CACNG2: variants seen among roughly 807,000 people sequenced by gnomAD.
The protein encoded by CACNG2 is voltage-dependent calcium channel gamma-2 subunit.
Under a neutral mutation model 25.9 loss-of-function variants are expected in CACNG2, and 3 were observed. The observed-to-expected ratio is 0.12, with a 90% CI of 0.05 to 0.30. CACNG2 has a LOEUF of 0.30. Ranked by LOEUF, CACNG2 falls within the 10% of genes least tolerant of loss-of-function variation. The pLI is 1.00. For synonymous variants in CACNG2, 167 were observed against 173.3 expected, an observed-to-expected ratio of 0.96 and a Z score of 0.29; for missense variants, 341 against 432.5, an observed-to-expected ratio of 0.79 and a Z score of 1.88.
At chr22:36,601,775 G>A (rs1358377089) in intron 1 of CACNG2, among the ~76,000 whole-genome samples, 1 of 152,206 alleles carries the variant, frequency 6.6e-6, no homozygotes, top group East Asian at 1.9e-4. Flanking sequence ...GAGCCACTGC[G>A]CCTGGGGAGT....
In CACNG2 at chr22:36,703,573, C is replaced by G. The variant is rs1262430558; in HGVS notation, c.-997G>C. 5 of 109,538 alleles carry G rather than the reference C, an allele frequency of 4.6e-5. No homozygotes were observed. Among genetic ancestry groups the G allele is most frequent in the African/African-American group, 2.3e-4 (5 of 21,926 alleles). 6.8% of individuals were successfully genotyped at this position (109,538 alleles called of 1,614,324 possible). A position where few individuals can be genotyped will look rare whatever the true frequency, so the allele number is the denominator to read the frequency against. ...CCCTGCGCCGCCCGCTCCGCGCGCTCCCCGGCTGGCTCCCAGGGCCGCCCG... is the reference window on the plus strand; with the variant it reads ...CCCTGCGCCGCCCGCTCCGCGCGCTGCCCGGCTGGCTCCCAGGGCCGCCCG... On this transcript the variant is annotated 5_prime_UTR_variant, in exon 1 of 4. Coordinates refer to ENST00000300105, the MANE Select transcript of CACNG2 (RefSeq NM_006078.5).
At chr22:36,642,640 A>G (rs553587475) in intron 1 of CACNG2, among the ~76,000 whole-genome samples, 1 of 152,148 alleles carries the variant, frequency 6.6e-6, no homozygotes, top group East Asian at 1.9e-4. Context: ...ATCATGAGGA[A>G]TTTTCCTAAC....
chr22:36,646,112 A>C (rs1473992467), intron 1 of CACNG2, among the ~76,000 whole-genome samples: 1 of 152,232 alleles, frequency 6.6e-6, no homozygotes, highest in Non-Finnish European at 1.5e-5. Flanking sequence ...TGATTTTGTA[A>C]AGATTTCTGT....
intron 1 of CACNG2, among the ~76,000 whole-genome samples, chr22:36,696,633 G>A (rs1180027616): frequency 2.0e-5 from 3 of 152,214 alleles, no homozygotes; most frequent in Non-Finnish European, 4.4e-5. Context: ...TGACAGTCTA[G>A]TGGTGAGAGA....
intron 3 of CACNG2, 68 bp downstream of exon 3, chr22:36,566,285 C>T: frequency 6.7e-7 from 1 of 1,501,024 alleles, no homozygotes; most frequent in Admixed American, 1.7e-5. Context: ...CTGCCAGGCC[C>T]TCGTGGCCCC....
At chr22:36,597,085 C>T (rs570199687) in intron 1 of CACNG2, among the ~76,000 whole-genome samples, 3 of 152,264 alleles carry the variant, frequency 2.0e-5, no homozygotes, top group African/African-American at 4.8e-5. Context: ...TGCAATGGCA[C>T]GATCTCAGCT....
chr22:36,643,527 T>TGTATC (rs1936476006), intron 1 of CACNG2, among the ~76,000 whole-genome samples: 1 of 151,866 alleles, frequency 6.6e-6, no homozygotes, highest in African/African-American at 2.4e-5. Context: ...TATCTATCCA[T>TGTATC]CATGTGCAGT....
intron 2 of CACNG2, among the ~76,000 whole-genome samples, chr22:36,579,982 T>C (rs1333289614): frequency 1.3e-5 from 2 of 152,238 alleles, no homozygotes; most frequent in Non-Finnish European, 2.9e-5. Flanking sequence ...ACAGTGAGCA[T>C]GGATCGTGGC....
intron 1 of CACNG2, among the ~76,000 whole-genome samples, chr22:36,654,964 A>G (rs564556106): frequency 4.4e-4 from 67 of 152,114 alleles, no homozygotes; most frequent in Admixed American, 1.8e-3. Context: ...CATTAAAAAA[A>G]AGGGAAAAGA....
chr22:36,646,542 T>C (rs1257576223), intron 1 of CACNG2, among the ~76,000 whole-genome samples: 1 of 152,202 alleles, frequency 6.6e-6, no homozygotes, highest in African/African-American at 2.4e-5. Flanking sequence ...AAGAAGCCTA[T>C]TTTAGTCTGT....
intron 1 of CACNG2, among the ~76,000 whole-genome samples, chr22:36,689,759 G>A (rs529691674): frequency 2.0e-5 from 3 of 152,346 alleles, no homozygotes; most frequent in African/African-American, 7.2e-5. Context: ...TTGGCACCTG[G>A]CATTCAGTTA....
At chr22:36,680,880 A>G (rs1470856523) in intron 1 of CACNG2, among the ~76,000 whole-genome samples, 1 of 151,488 alleles carries the variant, frequency 6.6e-6, no homozygotes. Flanking sequence ...CACTATCACC[A>G]CCACCACCAT....
At chr22:36,575,929 A>G (rs1223926643) in intron 2 of CACNG2, among the ~76,000 whole-genome samples, 1 of 152,238 alleles carries the variant, frequency 6.6e-6, no homozygotes, top group Non-Finnish European at 1.5e-5. Flanking sequence ...TAGGGGATAC[A>G]GTCTACAGTC....
intron 1 of CACNG2, among the ~76,000 whole-genome samples, chr22:36,681,716 C>A (rs1420801408): frequency 6.6e-6 from 1 of 152,126 alleles, no homozygotes; most frequent in Admixed American, 6.5e-5. Flanking sequence ...CCTGCACCAC[C>A]AATGACCAAC....
At chr22:36,621,182 C>G (rs1351288590) in intron 1 of CACNG2, among the ~76,000 whole-genome samples, 1 of 152,202 alleles carries the variant, frequency 6.6e-6, no homozygotes, top group African/African-American at 2.4e-5. Context: ...TGAATTCCAT[C>G]CCTAATGTCC....
intron 2 of CACNG2, among the ~76,000 whole-genome samples, chr22:36,576,074 T>C (rs951557399): frequency 7.9e-5 from 12 of 152,270 alleles, no homozygotes; most frequent in African/African-American, 1.2e-4. Flanking sequence ...AAAAAATGCC[T>C]GTGTGATGCA....
At chr22:36,655,059 G>A (rs902328419) in intron 1 of CACNG2, among the ~76,000 whole-genome samples, 6 of 152,090 alleles carry the variant, frequency 3.9e-5, no homozygotes, top group African/African-American at 1.2e-4. Context: ...CCGGACTGGG[G>A]AATTTTGGCG....
chr22:36,699,657 G>T (rs937904293), intron 1 of CACNG2, among the ~76,000 whole-genome samples: 1 of 133,934 alleles, frequency 7.5e-6, no homozygotes, highest in African/African-American at 3.0e-5. Context: ...GGTGGGGGGT[G>T]GGGGGATCTT....
chr22:36,647,424 C>G (rs1436377863), intron 1 of CACNG2, among the ~76,000 whole-genome samples: 2 of 151,968 alleles, frequency 1.3e-5, no homozygotes, highest in Non-Finnish European at 2.9e-5. Flanking sequence ...GGTGAAACCC[C>G]GTCTCTACTA....
Sources: gnomAD v4.1 joint callset for allele counts (sites outside exome capture counted in the v4.1 genomes callset) on GRCh38, gnomAD v4.1.1 for gene constraint, MANE v1.5 for transcripts, NCBI Gene and HGNC (gene_info 2026-07-23, HGNC 2026-07-21) for gene names.